Variants in CALCR observed in about 807,000 individuals in gnomAD.
The protein encoded by CALCR is calcitonin receptor.
In CALCR, 47 loss-of-function variants were observed where a neutral mutation model predicts 59.5. That is an observed-to-expected ratio of 0.79 (90% CI 0.63 to 1.01). The LOEUF is 1.01. Among genes scored for constraint, CALCR ranks in the 50% least tolerant of loss-of-function variants. The pLI, the probability that CALCR is intolerant of heterozygous loss-of-function variation, is 0.00. For synonymous variants in CALCR, 213 were observed against 211.3 expected (o/e 1.01, Z -0.07); for missense variants, 566 against 597.1 (o/e 0.95, Z 0.54).
rs565837572 is a variant in CALCR at position 93,478,868 on chromosome 7, T to C, written c.205+486A>G. On this transcript the variant is annotated intron_variant, in intron 4 of 13. Coordinates refer to ENST00000426151, the MANE Select transcript of CALCR (RefSeq NM_001742.4). ...AGCTGGTAGATAAACAATGTCTGGCTAGGAGGTACCTTTTTGTAATTCTCC... is the reference window on the plus strand; with the variant it reads ...AGCTGGTAGATAAACAATGTCTGGCCAGGAGGTACCTTTTTGTAATTCTCC... Among the ~76,000 whole-genome samples the C allele has an allele frequency of 2.6e-5, 4 of 151,880 alleles. No homozygotes were observed. In the East Asian group the frequency reaches 7.8e-4, roughly 30 times the overall value.
At chr7:93,512,609 T>G (rs1415014127) in intron 2 of CALCR, among the ~76,000 whole-genome samples, 1 of 152,208 alleles carries the variant, frequency 6.6e-6, no homozygotes, top group Non-Finnish European at 1.5e-5. Context: ...CTTGCTTAAT[T>G]AAATCCAGCT....
chr7:93,449,871 A>G (rs369670926), intron 8 of CALCR, among the ~76,000 whole-genome samples: 3 of 152,100 alleles, frequency 2.0e-5, no homozygotes, highest in East Asian at 3.9e-4. Flanking sequence ...CTAGGTTTCC[A>G]GTGTGAGTTC....
chr7:93,475,920 A>G (rs1423323482), intron 5 of CALCR, among the ~76,000 whole-genome samples: 1 of 151,792 alleles, frequency 6.6e-6, no homozygotes, highest in African/African-American at 2.4e-5. Flanking sequence ...ATTTCTCTCT[A>G]AAATACTCTA....
At chr7:93,572,231 T>A (rs1013989967) in intron 2 of CALCR, among the ~76,000 whole-genome samples, 28 of 152,250 alleles carry the variant, frequency 1.8e-4, no homozygotes, top group African/African-American at 5.8e-4. Context: ...TTCTTTTTTT[T>A]AAAGAAAAAA....
intron 2 of CALCR, among the ~76,000 whole-genome samples, chr7:93,522,663 T>C (rs528674085): frequency 3.9e-5 from 6 of 152,304 alleles, no homozygotes; most frequent in African/African-American, 1.2e-4. Flanking sequence ...AAGAGCTTAG[T>C]AGTCTTTGCA....
intron 3 of CALCR, among the ~76,000 whole-genome samples, chr7:93,483,041 G>C (rs970138000): frequency 6.6e-6 from 1 of 151,724 alleles, no homozygotes; most frequent in African/African-American, 2.4e-5. Context: ...GGTATACTCA[G>C]GGGATTGGTT....
chr7:93,495,981 A>G (rs931127686), intron 2 of CALCR: 4 of 1,429,702 alleles, frequency 2.8e-6, no homozygotes, highest in Non-Finnish European at 3.8e-6. Context: ...TATTCTGTGA[A>G]TAAATAAAAT....
At chr7:93,446,838 T>C (rs1122464) in intron 8 of CALCR, among the ~76,000 whole-genome samples, 24,424 of 151,976 alleles carry the variant, frequency 0.16, 2,459 homozygotes, top group East Asian at 0.47. Context: ...AGTATGATCT[T>C]CCAAATTGCA....
intron 2 of CALCR, among the ~76,000 whole-genome samples, chr7:93,525,805 G>T (rs1434101618): frequency 2.0e-5 from 3 of 152,056 alleles, no homozygotes; most frequent in Non-Finnish European, 4.4e-5. Flanking sequence ...TGTTCTTTAT[G>T]CAGTTTAGAG....
intron 11 of CALCR, 58 bp from the exon 12 acceptor site, chr7:93,436,228 C>T: frequency 7.4e-7 from 1 of 1,350,400 alleles, no homozygotes; most frequent in Non-Finnish European, 1.1e-6. Flanking sequence ...TAAGAATATG[C>T]ACTGTTCTCA....
intron 8 of CALCR, among the ~76,000 whole-genome samples, chr7:93,451,883 T>A (rs932227778): frequency 1.3e-5 from 2 of 151,966 alleles, no homozygotes; most frequent in African/African-American, 4.8e-5. Context: ...CATAAATGCA[T>A]CTGGAGGCCA....
intron 11 of CALCR, among the ~76,000 whole-genome samples, chr7:93,437,660 T>C (rs202092650): frequency 1.3e-5 from 2 of 152,028 alleles, no homozygotes; most frequent in African/African-American, 4.8e-5. Flanking sequence ...AATATTTGGA[T>C]TTCTGGACCT....
chr7:93,558,232 C>T (rs1351128493), intron 2 of CALCR, among the ~76,000 whole-genome samples: 1 of 151,668 alleles, frequency 6.6e-6, no homozygotes, highest in African/African-American at 2.4e-5. Context: ...CTACCTACTG[C>T]CTTGTATCCA....
At chr7:93,558,525 A>C (rs1292916007) in intron 2 of CALCR, among the ~76,000 whole-genome samples, 1 of 152,104 alleles carries the variant, frequency 6.6e-6, no homozygotes, top group East Asian at 1.9e-4. Flanking sequence ...GAATCAGTAG[A>C]GATATTGAGA....
chr7:93,519,091 T>C (rs1163964094), intron 2 of CALCR, among the ~76,000 whole-genome samples: 2 of 151,958 alleles, frequency 1.3e-5, no homozygotes, highest in East Asian at 3.8e-4. Context: ...AATCTTCTAT[T>C]TTTTAAGAGT....
At chr7:93,524,964 T>G (rs186553328) in intron 2 of CALCR, among the ~76,000 whole-genome samples, 17 of 152,250 alleles carry the variant, frequency 1.1e-4, no homozygotes, top group Non-Finnish European at 2.2e-4. Context: ...TTTACCTTAT[T>G]GGGTTGTTTG....
At chr7:93,504,227 T>C (rs1172070602) in intron 2 of CALCR, among the ~76,000 whole-genome samples, 2 of 152,222 alleles carry the variant, frequency 1.3e-5, no homozygotes, top group Non-Finnish European at 2.9e-5. Flanking sequence ...GTTGTTTGGC[T>C]TCTTTGGAAA....
chr7:93,471,830 TA>T (rs565997589), intron 6 of CALCR, among the ~76,000 whole-genome samples: 133 of 151,916 alleles, frequency 8.8e-4, no homozygotes, highest in African/African-American at 2.9e-3. Flanking sequence ...TAACATACAG[TA>T]AAATGCAAGT....
At chr7:93,511,931 A>C (rs945719574) in intron 2 of CALCR, among the ~76,000 whole-genome samples, 5 of 152,214 alleles carry the variant, frequency 3.3e-5, no homozygotes, top group Non-Finnish European at 7.3e-5. Flanking sequence ...CGCTATGGGC[A>C]TATAAGTAAA....
Sources: gnomAD v4.1 joint callset for allele counts (sites outside exome capture counted in the v4.1 genomes callset) on GRCh38, gnomAD v4.1.1 for gene constraint, MANE v1.5 for transcripts, NCBI Gene and HGNC (gene_info 2026-07-23, HGNC 2026-07-21) for gene names.